Variants in PROK2 observed in about 807,000 individuals in gnomAD.
PROK2 encodes prokineticin 2.
PROK2 carries 8 observed loss-of-function variants against 14.2 expected under a neutral mutation model. The ratio of observed to expected loss-of-function variants is 0.56; its 90% CI spans 0.33 to 1.02. The LOEUF is 1.02. Ranked by LOEUF, PROK2 falls within the 50% of genes least tolerant of loss-of-function variation. The pLI, the probability that PROK2 is intolerant of heterozygous loss-of-function variation, is 0.03. For synonymous variants in PROK2, 59 were observed against 60.7 expected, an observed-to-expected ratio of 0.97 and a Z score of 0.13; for missense variants, 154 against 160.4, an observed-to-expected ratio of 0.96 and a Z score of 0.22.
At position 71,785,133 on chromosome 3, in the gene PROK2, G is replaced by A. The variant is rs2050204757; in HGVS notation, c.-81C>T. On this transcript the variant is annotated 5_prime_UTR_variant, in exon 1 of 4. Coordinates refer to ENST00000295619, the MANE Select transcript of PROK2 (RefSeq NM_001126128.2). ...GCGCTGGGTGGAGCGCGGAGCGGCG[G>A]GCGGACGGGCGCGGCGGCTCCCGCG... 4.1e-6 allele frequency: 4 copies of A among 963,970 alleles called. No homozygotes were observed. Among genetic ancestry groups the A allele is most frequent in the Non-Finnish European group, 5.3e-6 (4 of 752,504 alleles). 59.7% of individuals were successfully genotyped at this position (963,970 alleles called of 1,614,324 possible).
chr3:71,772,544 A>C lies in PROK2; in HGVS notation c.*180T>G. 1.6e-6 allele frequency: 1 copy of C among 631,432 alleles called. No homozygotes were observed. Among genetic ancestry groups the C allele is most frequent in the Admixed American group, 3.0e-5 (1 of 33,240 alleles). 39.1% of individuals were successfully genotyped at this position (631,432 alleles called of 1,614,324 possible). A position where few individuals can be genotyped will look rare whatever the true frequency, so the allele number is the denominator to read the frequency against. On this transcript the variant is annotated 3_prime_UTR_variant, in exon 4 of 4. Transcript: ENST00000295619. ...ACACTTCATATTTCTATCCAAAAGT[A>C]AAATTCTCTTTCGATAAAAAAAAAA...
In PROK2 at chr3:71,785,129, G is replaced by C. The variant is rs2050204667; in HGVS notation, c.-77C>G. On this transcript the variant is annotated 5_prime_UTR_variant, in exon 1 of 4. Transcript: ENST00000295619. ...GGGTGCGCTGGGTGGAGCGCGGAGC[G>C]GCGGGCGGACGGGCGCGGCGGCTCC... The C allele has an allele frequency of 1.3e-5, 13 of 1,016,128 alleles. No individual in the cohort carries two copies. Among genetic ancestry groups the C allele is most frequent in the Non-Finnish European group, 1.6e-5 (13 of 798,580 alleles). The allele number at this position is 1,016,128 out of a possible 1,614,324, so 62.9% of individuals were successfully genotyped here. A position where few individuals can be genotyped will look rare whatever the true frequency, so the allele number is the denominator to read the frequency against.
intron 2 of PROK2, 90 bp from the exon 3 acceptor site, chr3:71,774,597 G>T: frequency 6.8e-7 from 1 of 1,466,946 alleles, no homozygotes. Context: ...GTAGTGAACT[G>T]GCGGAGCAAG....
At chr3:71,773,278 C>T (rs959676340) in intron 3 of PROK2, among the ~76,000 whole-genome samples, 1 of 152,170 alleles carries the variant, frequency 6.6e-6, no homozygotes, top group Non-Finnish European at 1.5e-5. Flanking sequence ...CCATACCCGG[C>T]CTGCTCAGTA....
rs753879062 is a variant in PROK2, at chr3:71,772,770, C to T, written c.344G>A (p.Cys115Tyr). 1 of 1,614,188 alleles carries T rather than the reference C, an allele frequency of 6.2e-7. No individual in the cohort carries two copies. The highest frequency in any genetic ancestry group is 8.5e-7 in the Non-Finnish European group (1 of 1,180,026). ...AAATCGGTTAAATGAAGTCCGTAAA[C>T]AGGCCAAGCCTGGCAGACATGGGCA... ...HTCPCLPGLA[C>Y]LRTSFNRFIC... The change falls in exon 4 of 4, where the codon TGT (cysteine) becomes TAT (tyrosine). Residue 115 changes from cysteine (C) to tyrosine (Y), a missense_variant. Transcript: ENST00000295619.
rs1452183175 is a variant in PROK2 at position 71,773,810 on chromosome 3, TGAG to T, written c.285+632_285+634del. On this transcript the variant is annotated intron_variant, in intron 3 of 3. Coordinates refer to ENST00000295619, the MANE Select transcript of PROK2 (RefSeq NM_001126128.2). ...GCCCATTTCACCAGCCAAGCTGGGT[TGAG>T]GAGGGTCAACCGACAGCGAGCATGG... 2.0e-5 allele frequency among the ~76,000 whole-genome samples: 3 copies of T among 152,302 alleles called. No individual in the cohort carries two copies. In the East Asian group the frequency reaches 5.8e-4, roughly 29 times the overall value.
At chr3:71,773,388 G>C (rs2050094945) in intron 3 of PROK2, among the ~76,000 whole-genome samples, 1 of 152,198 alleles carries the variant, frequency 6.6e-6, no homozygotes, top group Non-Finnish European at 1.5e-5. Flanking sequence ...GAGGCAAAGA[G>C]AGACTGGTAT....
chr3:71,772,846 C>T lies in PROK2; in HGVS notation c.286-18G>A, dbSNP rs369037858. 40 of 1,605,962 alleles carry T rather than the reference C, an allele frequency of 2.5e-5. No individual in the cohort carries two copies. The highest frequency in any genetic ancestry group is 1.6e-4 in the Middle Eastern group (1 of 6,076). ...AATGGAACCTAAATAAAAAAGAAAA[C>T]GGAGTCAGAGCTGGAAAGGTTTCAA... On this transcript the variant is annotated intron_variant, in intron 3 of 3. Coordinates refer to ENST00000295619, the MANE Select transcript of PROK2 (RefSeq NM_001126128.2).
chr3:71,784,517 A>C (rs753379618), intron 1 of PROK2, among the ~76,000 whole-genome samples: 25 of 152,008 alleles, frequency 1.6e-4, no homozygotes, highest in Non-Finnish European at 2.9e-4. Flanking sequence ...TAGGATTAAG[A>C]CTCTGGGCAC....
rs761652109 is a variant in PROK2 at position 71,781,454 on chromosome 3, TA to T, written c.222+12del. ...AGTAGAACCACCATGAATACAAATA[TA>T]TATATACTAACTTTACGAGTCAGTG... On this transcript the variant is annotated intron_variant, in intron 2 of 3. Coordinates refer to ENST00000295619, the MANE Select transcript of PROK2 (RefSeq NM_001126128.2). The T allele has an allele frequency of 1.9e-6, 3 of 1,613,810 alleles. No homozygotes were observed. The South Asian group carries it at 3.3e-5, about 18-fold the overall frequency.
intron 2 of PROK2, among the ~76,000 whole-genome samples, chr3:71,775,995 A>C (rs1360878219): frequency 6.6e-6 from 1 of 152,104 alleles, no homozygotes; most frequent in Non-Finnish European, 1.5e-5. Flanking sequence ...TCACACCACC[A>C]AACTCAGAGA....
At chr3:71,776,364 A>ATTTTTTTTTTTTTTTTTT (rs58407323) in intron 2 of PROK2, among the ~76,000 whole-genome samples, 3 of 75,436 alleles carry the variant, frequency 4.0e-5, no homozygotes, top group African/African-American at 1.5e-4. Context: ...TTCGCTTTTC[A>ATTTTTTTTTTTTTTTTTT]TTTTTTTTTT....
chr3:71,780,486 C>T (rs142113957), intron 2 of PROK2, among the ~76,000 whole-genome samples: 1 of 152,312 alleles, frequency 6.6e-6, no homozygotes, highest in Non-Finnish European at 1.5e-5. Context: ...CTACTTGTAT[C>T]TAAAAGAAAG....
intron 2 of PROK2, among the ~76,000 whole-genome samples, chr3:71,779,281 C>T (rs909073149): frequency 1.3e-5 from 2 of 152,184 alleles, no homozygotes; most frequent in Admixed American, 6.5e-5. Flanking sequence ...GAGGCAGAAG[C>T]GTGTAATGAT....
At chr3:71,776,742 CACTT>C (rs924081048) in intron 2 of PROK2, among the ~76,000 whole-genome samples, 5 of 152,134 alleles carry the variant, frequency 3.3e-5, no homozygotes, top group African/African-American at 1.2e-4. Context: ...CTGGCCCACT[CACTT>C]CTAGATCTAC....
chr3:71,779,695 T>C (rs2050146724), intron 2 of PROK2, among the ~76,000 whole-genome samples: 1 of 152,180 alleles, frequency 6.6e-6, no homozygotes, highest in South Asian at 2.1e-4. Flanking sequence ...CTGAAACTCC[T>C]GGATTCTACT....
chr3:71,775,936 C>A (rs998473665), intron 2 of PROK2, among the ~76,000 whole-genome samples: 1 of 152,122 alleles, frequency 6.6e-6, no homozygotes, highest in Non-Finnish European at 1.5e-5. Context: ...ACTCAGATCC[C>A]AAGGCTCCCC....
At chr3:71,778,272 T>A (rs1244688882) in intron 2 of PROK2, among the ~76,000 whole-genome samples, 1 of 152,108 alleles carries the variant, frequency 6.6e-6, no homozygotes, top group Non-Finnish European at 1.5e-5. Context: ...AAAACTATTA[T>A]TTGCTTTAAA....
intron 1 of PROK2, among the ~76,000 whole-genome samples, chr3:71,783,242 C>T (rs1035839400): frequency 1.3e-5 from 2 of 152,160 alleles, no homozygotes; most frequent in African/African-American, 4.8e-5. Flanking sequence ...GGATGTTTAA[C>T]ATGCTATACA....
Sources: allele counts gnomAD v4.1 joint callset (sites outside exome capture counted in the v4.1 genomes callset), GRCh38; gene constraint gnomAD v4.1.1; transcripts MANE v1.5; gene names NCBI Gene and HGNC (gene_info 2026-07-23, HGNC 2026-07-21).